TENM2: variants seen among roughly 807,000 people sequenced by gnomAD.
TENM2 encodes the protein teneurin-2.
TENM2 carries 52 observed loss-of-function variants against 245.2 expected under a neutral mutation model. The observed-to-expected ratio is 0.21, with a 90% CI of 0.17 to 0.27. TENM2 has a LOEUF of 0.27. Ranked by LOEUF, TENM2 falls within the 10% of genes least tolerant of loss-of-function variation. The pLI is 1.00. For missense variants in TENM2, 3,046 were observed against 3,666.8 expected (o/e 0.83, Z 4.37); for synonymous variants, 1,363 against 1,438.9 (o/e 0.95, Z 1.19).
intron 2 of TENM2, among the ~76,000 whole-genome samples, chr5:167,801,119 T>TAC (rs1765725521): frequency 2.1e-5 from 1 of 47,982 alleles, no homozygotes; most frequent in Non-Finnish European, 3.6e-5. Flanking sequence ...AATATATATA[T>TAC]ATATATATAT....
At chr5:167,779,423 G>A (rs1267692492) in intron 2 of TENM2, among the ~76,000 whole-genome samples, 1 of 152,206 alleles carries the variant, frequency 6.6e-6, no homozygotes, top group Non-Finnish European at 1.5e-5. Context: ...AGATTTCAAT[G>A]GGGTTAGGTG....
At chr5:167,320,194 T>G (rs1215915016) in intron 1 of TENM2, among the ~76,000 whole-genome samples, 1 of 152,212 alleles carries the variant, frequency 6.6e-6, no homozygotes, top group African/African-American at 2.4e-5. Context: ...GCCTCAGGAA[T>G]AAAAACAGTG....
At chr5:168,154,471 C>T (rs1027170844) in intron 12 of TENM2, among the ~76,000 whole-genome samples, 3 of 152,146 alleles carry the variant, frequency 2.0e-5, no homozygotes, top group Admixed American at 2.0e-4. Context: ...GTGATCCACC[C>T]GCCTCAACCT....
At chr5:167,349,920 G>A (rs562981749) in intron 1 of TENM2, among the ~76,000 whole-genome samples, 2 of 152,198 alleles carry the variant, frequency 1.3e-5, no homozygotes, top group South Asian at 4.1e-4. Flanking sequence ...TGGTCAGCAA[G>A]TTATTTATGT....
intron 2 of TENM2, among the ~76,000 whole-genome samples, chr5:167,575,734 A>G (rs908207209): frequency 6.6e-6 from 1 of 152,220 alleles, no homozygotes; most frequent in African/African-American, 2.4e-5. Flanking sequence ...AAAGATGCAG[A>G]CAAGAGAAAA....
chr5:167,483,185 C>A (rs1160581896), intron 2 of TENM2, among the ~76,000 whole-genome samples: 1 of 152,158 alleles, frequency 6.6e-6, no homozygotes, highest in Non-Finnish European at 1.5e-5. Context: ...CTTAGCCCAG[C>A]CCCTGTACAG....
chr5:167,081,958 C>T, the TENM2 span, among the ~76,000 whole-genome samples: 6 of 151,762 alleles, frequency 4.0e-5, no homozygotes, highest in East Asian at 3.9e-4. Flanking sequence ...GCAAAATAAA[C>T]GGTCAAGCTG....
chr5:167,796,367 C>T (rs1229701239), intron 2 of TENM2, among the ~76,000 whole-genome samples: 1 of 150,286 alleles, frequency 6.7e-6, no homozygotes, highest in Non-Finnish European at 1.5e-5. Flanking sequence ...TCTCTCCATG[C>T]TCTCTGGTTC....
At chr5:167,891,316 C>T (rs1444777140) in intron 3 of TENM2, among the ~76,000 whole-genome samples, 1 of 152,160 alleles carries the variant, frequency 6.6e-6, no homozygotes, top group African/African-American at 2.4e-5. Context: ...CCCTCTGTCA[C>T]ACAGGCTGGA....
At chr5:167,033,016 G>A in the TENM2 span, among the ~76,000 whole-genome samples, 2 of 152,224 alleles carry the variant, frequency 1.3e-5, no homozygotes, top group East Asian at 1.9e-4. Context: ...TACCAAGTAG[G>A]TTCATGTAGG....
At chr5:167,933,248 G>C (rs2151717574) in intron 3 of TENM2, among the ~76,000 whole-genome samples, 1 of 152,274 alleles carries the variant, frequency 6.6e-6, no homozygotes, top group Middle Eastern at 3.4e-3. Context: ...CTAGGTGTTT[G>C]TTTGTTCTTT....
chr5:167,471,593 A>C (rs1767032264), intron 2 of TENM2, among the ~76,000 whole-genome samples: 1 of 152,242 alleles, frequency 6.6e-6, no homozygotes. Flanking sequence ...TTGCAATTTT[A>C]TTATTTCAAG....
At chr5:167,046,653 A>C in the TENM2 span, among the ~76,000 whole-genome samples, 1 of 152,078 alleles carries the variant, frequency 6.6e-6, no homozygotes, top group African/African-American at 2.4e-5. Context: ...AAGCAGGCTG[A>C]AGTGTGCTCT....
chr5:168,216,670 T>C, intron 21 of TENM2, 98 bp from the exon 24 acceptor site: 1 of 1,171,910 alleles, frequency 8.5e-7, no homozygotes, highest in East Asian at 2.4e-5. Context: ...AGGTCTCTGG[T>C]CTAAGCAGAG....
chr5:167,558,082 T>G (rs1340185604), intron 2 of TENM2, among the ~76,000 whole-genome samples: 7 of 152,216 alleles, frequency 4.6e-5, no homozygotes, highest in African/African-American at 1.7e-4. Context: ...TCAGTGCTTT[T>G]TGGAAGCAGA....
the TENM2 span, among the ~76,000 whole-genome samples, chr5:167,048,101 A>T: frequency 4.5e-4 from 69 of 152,254 alleles, no homozygotes; most frequent in African/African-American, 1.6e-3. Context: ...ATCTAGATGA[A>T]TTTAATCTGT....
At chr5:168,241,070 CT>C (rs1342493600) in intron 25 of TENM2, 1 of 151,956 alleles carries the variant, frequency 6.6e-6, no homozygotes, top group Non-Finnish European at 1.5e-5. Flanking sequence ...ACGGCATTAA[CT>C]TTTGGACCTG....
At chr5:166,989,435 T>C in the TENM2 span, among the ~76,000 whole-genome samples, 1 of 151,898 alleles carries the variant, frequency 6.6e-6, no homozygotes, top group South Asian at 2.1e-4. Flanking sequence ...AATTTTTGTA[T>C]TTTTAGTAGA....
intron 27 of TENM2, among the ~76,000 whole-genome samples, chr5:168,254,617 G>T (rs1767476469): frequency 6.6e-6 from 1 of 152,144 alleles, no homozygotes; most frequent in Non-Finnish European, 1.5e-5. Flanking sequence ...GCTGTTCATG[G>T]GAATGGCCAT....
Sources: gnomAD v4.1 joint callset for allele counts (sites outside exome capture counted in the v4.1 genomes callset) on GRCh38, gnomAD v4.1.1 for gene constraint, MANE v1.5 for transcripts, NCBI Gene and HGNC (gene_info 2026-07-23, HGNC 2026-07-21) for gene names.